Variants in EDA observed in about 807,000 individuals in gnomAD.
EDA encodes ectodysplasin A, also known as ectodysplasin-A.
Under a neutral mutation model 23.6 loss-of-function variants are expected in EDA, and 2 were observed. The observed-to-expected ratio is 0.08, with a 90% confidence interval of 0.03 to 0.27. The LOEUF is 0.27. Among genes scored for constraint, EDA ranks in the 10% least tolerant of loss-of-function variants. The probability of loss-of-function intolerance (pLI) is 1.00; values close to 1 mark genes in which losing one functional copy is unlikely to be tolerated. For synonymous variants in EDA, 131 were observed against 132.0 expected, an observed-to-expected ratio of 0.99 and a Z score of 0.05; for missense variants, 229 against 324.2, an observed-to-expected ratio of 0.71 and a Z score of 2.26.
intron 1 of EDA, among the ~76,000 whole-genome samples, chrX:69,942,939 C>T (rs2018782853): frequency 9.0e-6 from 1 of 110,583 alleles, no homozygotes; most frequent in South Asian, 3.9e-4. Flanking sequence ...TGTCTTCAGG[C>T]TTACTAATTT....
chrX:69,815,156 A>G (rs1194435635), intron 1 of EDA, among the ~76,000 whole-genome samples: 2 of 112,246 alleles, frequency 1.8e-5, no homozygotes, highest in East Asian at 2.8e-4. Flanking sequence ...GACAAGTCCA[A>G]GTTCCTGGGG....
chrX:69,751,052 G>T lies in EDA; in HGVS notation c.396+134348G>T, dbSNP rs1222827721. 3.9e-3 allele frequency among the ~76,000 whole-genome samples: 419 copies of T among 107,934 alleles called. 1 individual carries two copies. Among genetic ancestry groups the T allele is most frequent in the African/African-American group, 0.012 (361 of 30,285 alleles). The allele number at this position is 107,934 out of a possible 115,157, so 93.7% of individuals were successfully genotyped here. ...AATTAGATCCCATTTGTCAATTTTG[G>T]CTTTTGTTGCCATTGCTTTTGGTGT... On this transcript the variant is annotated intron_variant, in intron 1 of 7. Transcript: ENST00000374552.
chrX:69,911,956 A>G (rs2018273532), intron 1 of EDA, among the ~76,000 whole-genome samples: 1 of 112,438 alleles, frequency 8.9e-6, no homozygotes, highest in South Asian at 3.7e-4. Context: ...TGTTTTCACA[A>G]AAGATTTCAC....
At chrX:69,960,559 A>C (rs2019085103) in intron 2 of EDA, among the ~76,000 whole-genome samples, 1 of 110,980 alleles carries the variant, frequency 9.0e-6, no homozygotes, top group Non-Finnish European at 1.9e-5. Flanking sequence ...CTTTTGTACA[A>C]AGGACTTGTC....
intron 2 of EDA, among the ~76,000 whole-genome samples, chrX:70,014,107 G>A (rs935590094): frequency 8.9e-6 from 1 of 112,273 alleles, no homozygotes; most frequent in Admixed American, 9.3e-5. Flanking sequence ...TAATGCCTGA[G>A]CACAGCCCAG....
intron 1 of EDA, among the ~76,000 whole-genome samples, chrX:69,727,220 T>A (rs868657158): frequency 8.9e-6 from 1 of 111,932 alleles, no homozygotes; most frequent in Middle Eastern, 4.6e-3. Flanking sequence ...TGCTGCACTC[T>A]GCTGCTCATC....
At chrX:69,789,227 A>G (rs1008842569) in intron 1 of EDA, among the ~76,000 whole-genome samples, 1 of 111,880 alleles carries the variant, frequency 8.9e-6, no homozygotes, top group East Asian at 2.8e-4. Context: ...GGTACCTCAG[A>G]TGGAAATGCA....
intron 1 of EDA, among the ~76,000 whole-genome samples, chrX:69,840,684 CTAGA>C (rs1373557409): frequency 2.7e-5 from 3 of 111,995 alleles, no homozygotes; most frequent in Non-Finnish European, 5.6e-5. Flanking sequence ...ATTCCATGTA[CTAGA>C]TAATTTGTAA....
intron 2 of EDA, among the ~76,000 whole-genome samples, chrX:69,992,600 G>A (rs944522370): frequency 2.7e-5 from 3 of 112,118 alleles, no homozygotes; most frequent in African/African-American, 9.7e-5. Flanking sequence ...CAATGCTGCA[G>A]TAAATGTTCT....
chrX:69,959,495 G>A (rs900687073), intron 2 of EDA, among the ~76,000 whole-genome samples: 2 of 111,705 alleles, frequency 1.8e-5, no homozygotes, highest in Non-Finnish European at 3.8e-5. Context: ...TCTGATGAGC[G>A]TATACTATAT....
chrX:69,850,112 T>C (rs867952964), intron 1 of EDA, among the ~76,000 whole-genome samples: 1 of 112,319 alleles, frequency 8.9e-6, no homozygotes, highest in Non-Finnish European at 1.9e-5. Context: ...TCGCTTGCCA[T>C]CTTTATAATC....
intron 1 of EDA, among the ~76,000 whole-genome samples, chrX:69,882,805 C>T (rs1001528557): frequency 9.9e-5 from 11 of 111,286 alleles, no homozygotes; most frequent in Non-Finnish European, 1.7e-4. Flanking sequence ...TGGGTTCAAG[C>T]GATTCTCCTG....
At chrX:69,700,024 G>A (rs962902837) in intron 1 of EDA, among the ~76,000 whole-genome samples, 1 of 110,846 alleles carries the variant, frequency 9.0e-6, no homozygotes, top group African/African-American at 3.3e-5. Context: ...GTGAGCCGTC[G>A]GGTTTGCGGG....
intron 1 of EDA, among the ~76,000 whole-genome samples, chrX:69,761,805 C>G (rs2014316885): frequency 8.9e-6 from 1 of 111,768 alleles, no homozygotes; most frequent in African/African-American, 3.3e-5. Flanking sequence ...GCTGTTACTA[C>G]TTGATGCGTC....
At chrX:69,976,807 A>G (rs1602579884) in intron 2 of EDA, among the ~76,000 whole-genome samples, 1 of 111,162 alleles carries the variant, frequency 9.0e-6, no homozygotes, top group East Asian at 2.8e-4. Context: ...GATCTTGATT[A>G]TGTGCTAGAT....
chrX:69,910,374 AGTGTGTGTGTGTGTGTGT>A (rs4007733), intron 1 of EDA, among the ~76,000 whole-genome samples: 270 of 41,754 alleles, frequency 6.5e-3, no homozygotes, highest in Middle Eastern at 0.022. Context: ...AGAGAGAGAG[AGTGTGTGTGTGTGTGTGT>A]GTGTGTGTGT....
At chrX:69,851,788 G>T (rs777369015) in intron 1 of EDA, among the ~76,000 whole-genome samples, 2 of 111,803 alleles carry the variant, frequency 1.8e-5, no homozygotes, top group East Asian at 5.7e-4. Flanking sequence ...TTGGTCCAGT[G>T]TCATCCCTAT....
At position 69,684,245 on chromosome X, in the gene EDA, C is replaced by G. The variant is rs142446902; in HGVS notation, c.396+67541C>G. ...ATTTAGAAATGTTAACAAGGCTCAT[C>G]GAATAGTAGGAGGGAGAGACAGCTG... On this transcript the variant is annotated intron_variant, in intron 1 of 7. Transcript: ENST00000374552. Among the ~76,000 whole-genome samples the G allele has an allele frequency of 4.7e-3, 524 of 111,371 alleles. 6 individuals carry two copies. Among genetic ancestry groups the G allele is most frequent in the African/African-American group, 0.016 (496 of 30,671 alleles).
chrX:69,681,152 C>A (rs1484127461), intron 1 of EDA, among the ~76,000 whole-genome samples: 1 of 111,361 alleles, frequency 9.0e-6, no homozygotes, highest in Non-Finnish European at 1.9e-5. Flanking sequence ...TATTGGCCCC[C>A]ACTCTCTTCT....
Sources: allele counts gnomAD v4.1 joint callset (sites outside exome capture counted in the v4.1 genomes callset), GRCh38; gene constraint gnomAD v4.1.1; transcripts MANE v1.5; gene names NCBI Gene and HGNC (gene_info 2026-07-23, HGNC 2026-07-21).